Variants in TBX5 observed in about 807,000 individuals in gnomAD.
The protein encoded by TBX5 is T-box transcription factor TBX5.
In TBX5, 8 loss-of-function variants were observed where a neutral mutation model predicts 51.1. That is an observed-to-expected ratio of 0.16 (90% CI 0.09 to 0.28). The LOEUF (loss-of-function observed/expected upper bound fraction) is 0.28, where lower values mean the gene tolerates loss of function less well. TBX5 is among the 10% of genes least tolerant of loss of function. The probability of loss-of-function intolerance (pLI) is 1.00; values close to 1 mark genes in which losing one functional copy is unlikely to be tolerated. For missense variants in TBX5, 589 were observed against 671.7 expected, an observed-to-expected ratio of 0.88 and a Z score of 1.36; for synonymous variants, 302 against 266.4, an observed-to-expected ratio of 1.13 and a Z score of -1.30.
intron 7 of TBX5, among the ~76,000 whole-genome samples, chr12:114,376,701 T>C (rs978682015): frequency 6.6e-6 from 1 of 151,352 alleles, no homozygotes; most frequent in African/African-American, 2.4e-5. Flanking sequence ...AAATGGTAAC[T>C]ATATGAGGTG....
chr12:114,405,738 A>G lies in TBX5; in HGVS notation c.-149T>C. 1 of 985,502 alleles carries G rather than the reference A, an allele frequency of 1.0e-6. No homozygotes were observed. The highest frequency in any genetic ancestry group is 1.2e-6 in the Non-Finnish European group (1 of 830,066). 61.0% of individuals were successfully genotyped at this position (985,502 alleles called of 1,614,324 possible). A position where few individuals can be genotyped will look rare whatever the true frequency, so the allele number is the denominator to read the frequency against. ...TGGCTCCGGGGTTTATGCGGGGTTT[A>G]CTGCTTACCCAGAATAGCGGCTACT... On this transcript the variant is annotated 5_prime_UTR_variant, in exon 1 of 9. Coordinates refer to ENST00000405440, the MANE Select transcript of TBX5 (RefSeq NM_181486.4).
chr12:114,400,738 G>T (rs1312378589), intron 3 of TBX5, among the ~76,000 whole-genome samples: 3 of 152,264 alleles, frequency 2.0e-5, no homozygotes, highest in Non-Finnish European at 2.9e-5. Flanking sequence ...TCCTTCCTGG[G>T]GGAATAGGAA....
At chr12:114,367,188 A>G (rs1054866459) in intron 7 of TBX5, among the ~76,000 whole-genome samples, 2 of 152,062 alleles carry the variant, frequency 1.3e-5, no homozygotes, top group Non-Finnish European at 2.9e-5. Flanking sequence ...AAAGAAAATG[A>G]GAAAGAAGGA....
Position 114,403,621 on chromosome 12 carries a change from T to C in TBX5, c.147+131A>G, listed in dbSNP as rs1385509826. 5.1e-6 allele frequency: 7 copies of C among 1,362,596 alleles called. No individual in the cohort carries two copies. In the Admixed American group the frequency reaches 1.6e-4, roughly 30 times the overall value. The allele number at this position is 1,362,596 out of a possible 1,614,324, so 84.4% of individuals were successfully genotyped here. A position where few individuals can be genotyped will look rare whatever the true frequency, so the allele number is the denominator to read the frequency against. ...GGGAATAAAAAGGAAAAGGGATGAT[T>C]ATAGTCGTTGGGTTCGTTTTGGGGT... On this transcript the variant is annotated intron_variant, in intron 2 of 8. Transcript: ENST00000405440.
intron 5 of TBX5, among the ~76,000 whole-genome samples, chr12:114,397,639 C>T (rs1212319316): frequency 3.3e-5 from 5 of 152,188 alleles, no homozygotes; most frequent in African/African-American, 9.7e-5. Flanking sequence ...GAGCAGGCTG[C>T]ACATTCAATA....
chr12:114,367,741 G>C (rs1869631128), intron 7 of TBX5, among the ~76,000 whole-genome samples: 1 of 152,148 alleles, frequency 6.6e-6, no homozygotes, highest in African/African-American at 2.4e-5. Flanking sequence ...AGAAGAGCTT[G>C]ACCCCTAACA....
intron 7 of TBX5, among the ~76,000 whole-genome samples, chr12:114,374,825 G>T (rs1004773738): frequency 6.6e-6 from 1 of 152,156 alleles, no homozygotes; most frequent in Non-Finnish European, 1.5e-5. Context: ...AGTGTTTGGG[G>T]TAAAATGTAC....
intron 7 of TBX5, among the ~76,000 whole-genome samples, chr12:114,380,378 T>C: frequency 6.6e-6 from 1 of 152,228 alleles, no homozygotes; most frequent in Non-Finnish European, 1.5e-5. Context: ...GCTTTGCATA[T>C]TATCTTGACA....
intron 1 of TBX5, 111 bp downstream of exon 1, chr12:114,405,517 G>T: frequency 5.7e-6 from 1 of 175,276 alleles, no homozygotes; most frequent in Non-Finnish European, 1.1e-5. Flanking sequence ...TCTGCAAGCT[G>T]TGCTCTGCAG....
At chr12:114,404,003 G>A in intron 1 of TBX5, 67 bp from the exon 2 acceptor site, 4 of 1,518,220 alleles carry the variant, frequency 2.6e-6, no homozygotes, top group Admixed American at 1.9e-5. Context: ...AAAGGTTGGA[G>A]AGCACAATTC....
chr12:114,402,643 C>T (rs984223759), intron 2 of TBX5, among the ~76,000 whole-genome samples: 19 of 152,146 alleles, frequency 1.2e-4, no homozygotes, highest in Admixed American at 1.3e-4. Flanking sequence ...TAGGACACGC[C>T]TGATGCCATT....
At chr12:114,407,143 C>A, upstream of TBX5, 1 of 981,264 alleles carries the variant, frequency 1.0e-6, no homozygotes, top group Non-Finnish European at 1.2e-6. Context: ...TGCTAAAATC[C>A]CAGGCCAGGC....
chr12:114,378,764 G>A (rs1317804942), intron 7 of TBX5, among the ~76,000 whole-genome samples: 3 of 152,082 alleles, frequency 2.0e-5, no homozygotes, highest in Admixed American at 2.0e-4. Flanking sequence ...AGACTCCCAA[G>A]TAGCTGGGAT....
chr12:114,358,479 G>T (rs10507246), intron 8 of TBX5, among the ~76,000 whole-genome samples: 14,369 of 152,082 alleles, frequency 0.094, 821 homozygotes, highest in South Asian at 0.18. Flanking sequence ...CCACCAATCA[G>T]CTCCATTTGT....
chr12:114,400,221 T>G (rs1871722989), intron 3 of TBX5, among the ~76,000 whole-genome samples: 1 of 152,208 alleles, frequency 6.6e-6, no homozygotes, highest in African/African-American at 2.4e-5. Context: ...ACCTCTGACA[T>G]GGGTCTCTAG....
At chr12:114,404,044 G>T in intron 1 of TBX5, 108 bp from the exon 2 acceptor site, 3 of 1,229,524 alleles carry the variant, frequency 2.4e-6, no homozygotes, top group Non-Finnish European at 3.4e-6. Context: ...TTGGCCCCCA[G>T]TTTCCAGCTA....
chr12:114,371,999 A>G (rs1486744958), intron 7 of TBX5, among the ~76,000 whole-genome samples: 1 of 152,194 alleles, frequency 6.6e-6, no homozygotes, highest in Non-Finnish European at 1.5e-5. Flanking sequence ...GCTGATGAGA[A>G]TAAGGGGACA....
chr12:114,399,956 G>T, intron 3 of TBX5, among the ~76,000 whole-genome samples: 1 of 152,052 alleles, frequency 6.6e-6, no homozygotes, highest in East Asian at 1.9e-4. Flanking sequence ...CGCCCTTTTC[G>T]GAGCCAGACA....
At chr12:114,367,072 C>G (rs756716125) in intron 7 of TBX5, among the ~76,000 whole-genome samples, 8 of 151,974 alleles carry the variant, frequency 5.3e-5, no homozygotes, top group African/African-American at 1.2e-4. Context: ...CATGAAAAGA[C>G]TCAGAAAGGT....
Sources: gnomAD v4.1 joint callset for allele counts (sites outside exome capture counted in the v4.1 genomes callset) on GRCh38, gnomAD v4.1.1 for gene constraint, MANE v1.5 for transcripts, NCBI Gene and HGNC (gene_info 2026-07-23, HGNC 2026-07-21) for gene names.